Variants in SPOCK1 observed in about 807,000 individuals in gnomAD.
The protein encoded by SPOCK1 is SPARC (osteonectin), cwcv and kazal like domains proteoglycan 1.
In SPOCK1, 23 loss-of-function variants were observed where a neutral mutation model predicts 55.3. The ratio of observed to expected loss-of-function variants is 0.42; its 90% CI spans 0.30 to 0.59. The LOEUF (loss-of-function observed/expected upper bound fraction) is 0.59, where lower values mean the gene tolerates loss of function less well. Among genes scored for constraint, SPOCK1 ranks in the 20% least tolerant of loss-of-function variants. The pLI is 0.22. For missense variants in SPOCK1, 499 were observed against 552.5 expected, an observed-to-expected ratio of 0.90 and a Z score of 0.97; for synonymous variants, 226 against 221.0, an observed-to-expected ratio of 1.02 and a Z score of -0.20.
At chr5:137,027,099 A>C (rs370507380) in intron 6 of SPOCK1, among the ~76,000 whole-genome samples, 35 of 152,304 alleles carry the variant, frequency 2.3e-4, no homozygotes, top group African/African-American at 7.7e-4. Context: ...AACTTGGGTC[A>C]AAATACCTAG....
intron 2 of SPOCK1, among the ~76,000 whole-genome samples, chr5:137,468,987 TA>T (rs1753678118): frequency 1.3e-5 from 2 of 152,248 alleles, no homozygotes; most frequent in South Asian, 4.2e-4. Flanking sequence ...AACTACTTAA[TA>T]AAAGAGTTAA....
rs781189860 is a variant in SPOCK1, at chr5:137,231,016, TC to T, written c.232+35993del. ...CTACCATGGTCAAATACAAAACAGTTCCATCACCACAAGGATCCCTGGTGTT... is the reference window on the plus strand; with the variant it reads ...CTACCATGGTCAAATACAAAACAGTTCATCACCACAAGGATCCCTGGTGTT... On this transcript the variant is annotated intron_variant, in intron 3 of 10. Coordinates refer to ENST00000394945, the MANE Select transcript of SPOCK1 (RefSeq NM_004598.4). Among the ~76,000 whole-genome samples, 9 of 151,670 alleles carry T rather than the reference TC, an allele frequency of 5.9e-5. No homozygotes were observed. In the East Asian group the frequency reaches 9.7e-4, roughly 16 times the overall value.
chr5:137,263,962 C>A (rs1756799404), intron 3 of SPOCK1, among the ~76,000 whole-genome samples: 1 of 152,068 alleles, frequency 6.6e-6, no homozygotes, highest in South Asian at 2.1e-4. Flanking sequence ...TCCATGAAGC[C>A]CTGTTGTTCA....
At position 137,330,344 on chromosome 5, in the gene SPOCK1, G is replaced by A. The variant is rs79424148; in HGVS notation, c.187-63289C>T. On this transcript the variant is annotated intron_variant, in intron 2 of 10. Coordinates refer to ENST00000394945, the MANE Select transcript of SPOCK1 (RefSeq NM_004598.4). ...TTTCCCAGCTCCTTCCACCAGCTTC[G>A]GCCAAAATGCAGACTGACACTACCT... Among the ~76,000 whole-genome samples, 836 of 152,152 alleles carry A rather than the reference G, an allele frequency of 5.5e-3. 6 individuals are homozygous for A. The highest frequency in any genetic ancestry group is 0.019 in the African/African-American group (783 of 41,504).
At chr5:137,419,601 T>C (rs185362291) in intron 2 of SPOCK1, among the ~76,000 whole-genome samples, 3 of 152,326 alleles carry the variant, frequency 2.0e-5, no homozygotes, top group African/African-American at 7.2e-5. Flanking sequence ...GGCTCTCTGT[T>C]TGTCTGTTAT....
At chr5:137,262,011 G>A (rs533741716) in intron 3 of SPOCK1, among the ~76,000 whole-genome samples, 1 of 152,230 alleles carries the variant, frequency 6.6e-6, no homozygotes, top group South Asian at 2.1e-4. Flanking sequence ...AAACCCTCCA[G>A]TGCACAAAAA....
intron 6 of SPOCK1, among the ~76,000 whole-genome samples, chr5:137,044,063 A>C (rs933889340): frequency 2.0e-5 from 3 of 152,200 alleles, no homozygotes; most frequent in African/African-American, 7.2e-5. Flanking sequence ...ATGTGAAAAA[A>C]TTAACATTAA....
At chr5:137,399,843 C>A (rs1202513108) in intron 2 of SPOCK1, among the ~76,000 whole-genome samples, 1 of 152,146 alleles carries the variant, frequency 6.6e-6, no homozygotes, top group Admixed American at 6.5e-5. Context: ...TATACCTTAA[C>A]AGAAGACAGA....
At chr5:136,989,670 AG>A (rs1489692320) in intron 7 of SPOCK1, among the ~76,000 whole-genome samples, 3 of 152,096 alleles carry the variant, frequency 2.0e-5, no homozygotes, top group Non-Finnish European at 4.4e-5. Flanking sequence ...GACCCCGGCA[AG>A]CTTAATCCAG....
intron 2 of SPOCK1, among the ~76,000 whole-genome samples, chr5:137,460,928 AC>A (rs1343516903): frequency 6.6e-6 from 1 of 152,090 alleles, no homozygotes; most frequent in Non-Finnish European, 1.5e-5. Flanking sequence ...TCAACTTTCT[AC>A]AAGGCCTTCC....
At chr5:137,157,001 A>T (rs138688014) in intron 3 of SPOCK1, among the ~76,000 whole-genome samples, 112 of 152,260 alleles carry the variant, frequency 7.4e-4, no homozygotes, top group African/African-American at 2.6e-3. Context: ...GTTATTTTTA[A>T]TAGAAAGATA....
At chr5:137,263,865 C>T (rs1229029751) in intron 3 of SPOCK1, among the ~76,000 whole-genome samples, 1 of 152,114 alleles carries the variant, frequency 6.6e-6, no homozygotes, top group Non-Finnish European at 1.5e-5. Context: ...AAGTTAAAGA[C>T]ATTCTGAGTC....
At chr5:137,378,833 G>A (rs1013292361) in intron 2 of SPOCK1, among the ~76,000 whole-genome samples, 2 of 152,148 alleles carry the variant, frequency 1.3e-5, no homozygotes, top group African/African-American at 4.8e-5. Flanking sequence ...GAAGAAATGT[G>A]TCAGTAGCTA....
chr5:137,494,344 C>T (rs557567258), intron 2 of SPOCK1, among the ~76,000 whole-genome samples: 6 of 152,136 alleles, frequency 3.9e-5, no homozygotes, highest in Non-Finnish European at 7.4e-5. Context: ...TGGAGGCTTG[C>T]ACCCCAAATC....
chr5:137,229,639 A>T (rs183953609), intron 3 of SPOCK1, among the ~76,000 whole-genome samples: 1 of 152,318 alleles, frequency 6.6e-6, no homozygotes, highest in Admixed American at 6.5e-5. Context: ...CAGCCTTGTC[A>T]CTGTGCTGTA....
chr5:137,459,373 AC>A (rs1357327897), intron 2 of SPOCK1, among the ~76,000 whole-genome samples: 1 of 151,916 alleles, frequency 6.6e-6, no homozygotes, highest in East Asian at 1.9e-4. Flanking sequence ...CCTTAGGGGA[AC>A]TTTCCCATCA....
At chr5:137,488,234 G>A (rs554066471) in intron 2 of SPOCK1, among the ~76,000 whole-genome samples, 24 of 152,216 alleles carry the variant, frequency 1.6e-4, no homozygotes, top group African/African-American at 5.3e-4. Context: ...AAAATTAGCT[G>A]GGCGTGGTGG....
chr5:136,987,466 C>G (rs1015732268), intron 8 of SPOCK1, among the ~76,000 whole-genome samples: 27 of 152,156 alleles, frequency 1.8e-4, no homozygotes, highest in Non-Finnish European at 4.4e-5. Context: ...AATAGGTATT[C>G]TCATATATCT....
intron 2 of SPOCK1, among the ~76,000 whole-genome samples, chr5:137,417,530 C>T (rs1720800137): frequency 6.6e-6 from 1 of 152,040 alleles, no homozygotes. Context: ...TTGAGTCAGC[C>T]TTTCTCTCAG....
Sources: allele counts gnomAD v4.1 joint callset (sites outside exome capture counted in the v4.1 genomes callset), GRCh38; gene constraint gnomAD v4.1.1; transcripts MANE v1.5; gene names NCBI Gene and HGNC (gene_info 2026-07-23, HGNC 2026-07-21).